Variants in ITPKB observed in about 807,000 individuals in gnomAD.
ITPKB encodes the protein inositol-trisphosphate 3-kinase B.
A neutral mutation model predicts 69.4 loss-of-function variants in ITPKB; 13 were observed. The ratio of observed to expected loss-of-function variants is 0.19; its 90% confidence interval spans 0.12 to 0.30. ITPKB has a LOEUF of 0.30. Among genes scored for constraint, ITPKB ranks in the 10% least tolerant of loss-of-function variants. ITPKB has a pLI of 1.00. For missense variants in ITPKB, 1,240 were observed against 1,250.5 expected (o/e 0.99, Z 0.13); for synonymous variants, 584 against 513.7 (o/e 1.14, Z -1.85).
chr1:226,730,514 T>C (rs1657558852), intron 2 of ITPKB, among the ~76,000 whole-genome samples: 1 of 152,126 alleles, frequency 6.6e-6, no homozygotes, highest in Non-Finnish European at 1.5e-5. Context: ...GAGAGTACCA[T>C]ATGCATAAAC....
intron 2 of ITPKB, among the ~76,000 whole-genome samples, chr1:226,705,155 A>G (rs1656769255): frequency 6.6e-6 from 1 of 152,226 alleles, no homozygotes; most frequent in Non-Finnish European, 1.5e-5. Flanking sequence ...TTTAGGTGCT[A>G]ATTCCTTTAT....
intron 2 of ITPKB, among the ~76,000 whole-genome samples, chr1:226,713,487 T>C (rs1191088440): frequency 1.3e-5 from 2 of 152,190 alleles, no homozygotes; most frequent in African/African-American, 4.8e-5. Context: ...TCCGGTGTCA[T>C]CCCGTTTTAG....
intron 2 of ITPKB, among the ~76,000 whole-genome samples, chr1:226,679,928 G>C (rs1240875632): frequency 6.6e-6 from 1 of 151,266 alleles, no homozygotes; most frequent in Non-Finnish European, 1.5e-5. Context: ...AAGAGTTAAA[G>C]CGCAGGCCAG....
chr1:226,711,442 A>AGTGTGTGTGT lies in ITPKB; in HGVS notation c.1932+24075_1932+24084dup, dbSNP rs57531406. Among the ~76,000 whole-genome samples the AGTGTGTGTGT allele has an allele frequency of 1.6e-3, 167 of 102,348 alleles. 1 individual carries two copies. Among genetic ancestry groups the AGTGTGTGTGT allele is most frequent in the African/African-American group, 6.6e-3 (161 of 24,380 alleles). The allele number at this position is 102,348 out of a possible 152,430, so 67.1% of individuals were successfully genotyped here. Reference sequence around the variant, plus strand: ...GAGAGAGAGAGAGAGAGAGAGAGAGAGTGTGTGTGTGTGTGTGTGTGTGTG... The same window carrying AGTGTGTGTGT: ...GAGAGAGAGAGAGAGAGAGAGAGAGAGTGTGTGTGTGTGTGTGTGTGTGTGTGTGTGTGTG... On this transcript the variant is annotated intron_variant, in intron 2 of 7. Coordinates refer to ENST00000429204, the MANE Select transcript of ITPKB (RefSeq NM_002221.4).
At chr1:226,659,102 C>A (rs951067610) in intron 2 of ITPKB, among the ~76,000 whole-genome samples, 1 of 152,160 alleles carries the variant, frequency 6.6e-6, no homozygotes, top group Admixed American at 6.5e-5. Flanking sequence ...CACATTCTGG[C>A]CAAAACCAGG....
Position 226,637,709 on chromosome 1 carries a change from T to C in ITPKB, c.2595A>G (p.Leu865=), listed in dbSNP as rs371374522. 10 of 1,614,048 alleles carry C rather than the reference T, an allele frequency of 6.2e-6. No homozygotes were observed. The highest frequency in any genetic ancestry group is 8.5e-6 in the Non-Finnish European group (10 of 1,179,910). ...RDRLKAIRTT[L]EVSPFFKCHE... is the part of the protein sequence containing the mutation. ...GGCACTTGAAGAAGGGAGAAACTTCTAGAGTGGTTCGAATGGCCTTCAGCC... is the reference window on the plus strand; with the variant it reads ...GGCACTTGAAGAAGGGAGAAACTTCCAGAGTGGTTCGAATGGCCTTCAGCC... Residue 865 remains leucine (L), a synonymous_variant, in exon 7 of 8, where the codon CTA becomes CTG. Transcript: ENST00000429204. The surrounding 1 kb of genome is among the most constrained non-coding windows in gnomAD (Gnocchi z 4.3).
chr1:226,728,434 T>C (rs1301623291), intron 2 of ITPKB, among the ~76,000 whole-genome samples: 2 of 152,144 alleles, frequency 1.3e-5, no homozygotes, highest in East Asian at 3.8e-4. Context: ...GAGTGTTGGC[T>C]TGCCTGTGAA....
intron 2 of ITPKB, among the ~76,000 whole-genome samples, chr1:226,720,953 AATC>A (rs1266217478): frequency 6.6e-6 from 1 of 151,782 alleles, no homozygotes; most frequent in East Asian, 1.9e-4. Context: ...GAGGCAGAAG[AATC>A]GCTTGAACCC....
intron 2 of ITPKB, among the ~76,000 whole-genome samples, chr1:226,733,708 A>G (rs1219252908): frequency 6.6e-6 from 1 of 152,218 alleles, no homozygotes; most frequent in East Asian, 1.9e-4. Flanking sequence ...TAGACTGGAC[A>G]ACAGGCTGGC....
At position 226,707,119 on chromosome 1, in the gene ITPKB, GA is replaced by G. The variant is rs1656820577; in HGVS notation, c.1932+28407del. 4.9e-6 allele frequency: 4 copies of G among 823,470 alleles called. No homozygotes were observed. The South Asian group carries it at 2.2e-4, about 46-fold the overall frequency. 51.0% of individuals were successfully genotyped at this position (823,470 alleles called of 1,614,324 possible). A position where few individuals can be genotyped will look rare whatever the true frequency, so the allele number is the denominator to read the frequency against. On this transcript the variant is annotated intron_variant, in intron 2 of 7. Coordinates refer to ENST00000429204, the MANE Select transcript of ITPKB (RefSeq NM_002221.4). The stretch of plus-strand genomic sequence containing the variant: ...GCGCAATTAAGAACAATTTCACAAG[GA>G]AATAAAGGGACCTAGTAGAATAATT...
intron 2 of ITPKB, chr1:226,707,948 A>G (rs753432096): frequency 7.6e-6 from 10 of 1,313,796 alleles, no homozygotes; most frequent in Middle Eastern, 4.3e-4. Context: ...CATTTTAACA[A>G]AAATACTCAT....
At chr1:226,688,497 G>C (rs1295339742) in intron 2 of ITPKB, among the ~76,000 whole-genome samples, 1 of 152,214 alleles carries the variant, frequency 6.6e-6, no homozygotes, top group African/African-American at 2.4e-5. Context: ...GGAGAGGACA[G>C]AAAAGGAGGT....
intron 6 of ITPKB, 43 bp downstream of exon 6, chr1:226,639,514 C>T: frequency 7.6e-7 from 1 of 1,317,748 alleles, no homozygotes; most frequent in Non-Finnish European, 1.1e-6. Context: ...GTTGTCCCTC[C>T]CTGGCTGGCT....
intron 2 of ITPKB, among the ~76,000 whole-genome samples, chr1:226,649,303 G>A (rs1321721524): frequency 1.4e-5 from 2 of 148,016 alleles, no homozygotes; most frequent in Non-Finnish European, 3.0e-5. Context: ...GTGTGTGCAT[G>A]TGTGTGTGCA....
chr1:226,701,920 T>C (rs1021225586), intron 2 of ITPKB, among the ~76,000 whole-genome samples: 5 of 152,158 alleles, frequency 3.3e-5, no homozygotes, highest in African/African-American at 1.2e-4. Context: ...TTCCTGCTCA[T>C]TCACGGCTCC....
At chr1:226,708,563 C>G (rs993598156) in intron 2 of ITPKB, among the ~76,000 whole-genome samples, 2 of 152,142 alleles carry the variant, frequency 1.3e-5, no homozygotes, top group African/African-American at 4.8e-5. Flanking sequence ...AAGAGCCATC[C>G]CCTTTTTCCT....
At chr1:226,646,369 G>T (rs1296227244) in intron 4 of ITPKB, among the ~76,000 whole-genome samples, 1 of 152,202 alleles carries the variant, frequency 6.6e-6, no homozygotes, top group African/African-American at 2.4e-5. Flanking sequence ...GAGAGGTAAT[G>T]AGAAAACCCG....
chr1:226,661,808 A>G (rs1333820766), intron 2 of ITPKB, among the ~76,000 whole-genome samples: 2 of 152,200 alleles, frequency 1.3e-5, no homozygotes, highest in Non-Finnish European at 2.9e-5. Context: ...GATCGGATGA[A>G]CTGTATGGGA....
At chr1:226,702,698 G>A (rs908523457) in intron 2 of ITPKB, among the ~76,000 whole-genome samples, 3 of 152,212 alleles carry the variant, frequency 2.0e-5, no homozygotes, top group Admixed American at 6.5e-5. Context: ...GACCCATTGG[G>A]AGGGTGCCTT....
Sources: allele counts gnomAD v4.1 joint callset (sites outside exome capture counted in the v4.1 genomes callset), GRCh38; gene constraint gnomAD v4.1.1; non-coding constraint Gnocchi (gnomAD v3.1); transcripts MANE v1.5; gene names NCBI Gene and HGNC (gene_info 2026-07-23, HGNC 2026-07-21).